The following NREP variants were observed in gnomAD, a reference collection of about 807,000 sequenced individuals.
NREP encodes neuronal regeneration-related protein.
In NREP, 5 loss-of-function variants were observed where a neutral mutation model predicts 8.6. The ratio of observed to expected loss-of-function variants is 0.58; its 90% confidence interval spans 0.30 to 1.22. The LOEUF (loss-of-function observed/expected upper bound fraction) is 1.22, where lower values mean the gene tolerates loss of function less well. Ranked by LOEUF, NREP falls within the 50% of genes most tolerant of loss-of-function variation. The pLI is 0.07. For missense variants in NREP, 86 were observed against 82.5 expected (o/e 1.04, Z -0.17); for synonymous variants, 27 against 28.0 (o/e 0.96, Z 0.11).
intron 2 of NREP, among the ~76,000 whole-genome samples, chr5:111,880,730 C>CTTTTTT (rs140190021): frequency 1.1e-5 from 1 of 92,176 alleles, no homozygotes; most frequent in Non-Finnish European, 2.1e-5. Flanking sequence ...GAACATAAGC[C>CTTTTTT]TTTTTTTTTT....
chr5:111,940,236 C>T (rs1755793930), intron 2 of NREP: 1 of 151,494 alleles, frequency 6.6e-6, no homozygotes, highest in African/African-American at 2.4e-5. Context: ...ATATACCTTA[C>T]CTGAAAAAAG....
chr5:111,747,610 C>T (rs781544084), intron 2 of NREP, among the ~76,000 whole-genome samples: 2 of 152,068 alleles, frequency 1.3e-5, no homozygotes, highest in Non-Finnish European at 1.5e-5. Context: ...GAGTCTTTGG[C>T]TTGGCATTTT....
At chr5:111,741,828 C>CACAGACACAG (rs143548812) in intron 2 of NREP, among the ~76,000 whole-genome samples, 45 of 146,540 alleles carry the variant, frequency 3.1e-4, no homozygotes, top group African/African-American at 1.1e-3. Context: ...CACACATACA[C>CACAGACACAG]ACACACACAC....
At position 111,860,234 on chromosome 5, in the gene NREP, A is replaced by G. The variant is rs1294679934; in HGVS notation, c.135+115040T>C. The stretch of plus-strand genomic sequence containing the variant: ...TCTTTTGAGTTCTCTGTCTCCACAA[A>G]TGATACCACTGTCTCCCTCAGACTA... On this transcript the variant is annotated intron_variant, in intron 2 of 3. Transcript: ENST00000395634. Among the ~76,000 whole-genome samples, 5 of 152,144 alleles carry G rather than the reference A, an allele frequency of 3.3e-5. No individual in the cohort carries two copies. The East Asian group carries it at 9.6e-4, about 29-fold the overall frequency.
At chr5:111,970,043 G>A (rs1756765440) in intron 2 of NREP, among the ~76,000 whole-genome samples, 1 of 152,122 alleles carries the variant, frequency 6.6e-6, no homozygotes, top group African/African-American at 2.4e-5. Flanking sequence ...TCCATTTTAT[G>A]CTTTGTAAAA....
intron 2 of NREP, among the ~76,000 whole-genome samples, chr5:111,808,225 G>C (rs1407509417): frequency 6.6e-6 from 1 of 152,118 alleles, no homozygotes; most frequent in Non-Finnish European, 1.5e-5. Context: ...AGGCCCTTCT[G>C]GTGTTCAGAA....
intron 2 of NREP, among the ~76,000 whole-genome samples, chr5:111,793,162 T>C (rs1581121769): frequency 1.3e-5 from 2 of 152,162 alleles, no homozygotes; most frequent in Admixed American, 6.5e-5. Context: ...ATTTTGACAA[T>C]TGTTAGGTTT....
chr5:111,948,457 A>T (rs1756051857), intron 2 of NREP, among the ~76,000 whole-genome samples: 1 of 152,152 alleles, frequency 6.6e-6, no homozygotes, highest in South Asian at 2.1e-4. Context: ...ACACTTTGGC[A>T]GTATTTGGTT....
intron 2 of NREP, among the ~76,000 whole-genome samples, chr5:111,935,727 T>C (rs980934738): frequency 2.0e-5 from 3 of 152,078 alleles, no homozygotes; most frequent in Admixed American, 6.6e-5. Flanking sequence ...CTTTCAGAAA[T>C]GTAAAATGCA....
At chr5:111,801,032 C>A (rs904217821) in intron 2 of NREP, among the ~76,000 whole-genome samples, 1 of 152,154 alleles carries the variant, frequency 6.6e-6, no homozygotes, top group African/African-American at 2.4e-5. Flanking sequence ...AGTTTTGGAG[C>A]AACTCCCTGA....
chr5:111,931,332 C>T (rs1755531278), intron 2 of NREP, among the ~76,000 whole-genome samples: 2 of 152,028 alleles, frequency 1.3e-5, no homozygotes, highest in Admixed American at 6.6e-5. Context: ...GTGTGGCTTC[C>T]TCTTTAGTCA....
intron 2 of NREP, among the ~76,000 whole-genome samples, chr5:111,941,296 T>C (rs1755822079): frequency 6.6e-6 from 1 of 152,110 alleles, no homozygotes; most frequent in African/African-American, 2.4e-5. Context: ...TCACACCTTT[T>C]TGTTTTAGTT....
intron 2 of NREP, among the ~76,000 whole-genome samples, chr5:111,799,732 G>A (rs1003258863): frequency 2.0e-5 from 3 of 152,158 alleles, no homozygotes; most frequent in African/African-American, 7.2e-5. Context: ...ACTTACTTAT[G>A]CGTACATAAT....
chr5:111,839,626 T>C (rs1219824626), intron 2 of NREP, among the ~76,000 whole-genome samples: 1 of 152,080 alleles, frequency 6.6e-6, no homozygotes, highest in East Asian at 1.9e-4. Flanking sequence ...GTTATTGCTA[T>C]GGGGATAGTC....
chr5:111,918,194 A>G (rs1364094043), intron 2 of NREP, among the ~76,000 whole-genome samples: 1 of 152,170 alleles, frequency 6.6e-6, no homozygotes, highest in Admixed American at 6.5e-5. Context: ...ACCACTGCTC[A>G]AGGAAATAAG....
At chr5:111,949,495 A>G (rs1197130025) in intron 2 of NREP, among the ~76,000 whole-genome samples, 2 of 151,870 alleles carry the variant, frequency 1.3e-5, no homozygotes, top group Non-Finnish European at 2.9e-5. Context: ...TTTTAAATAT[A>G]TTACTTTAAG....
At chr5:111,832,507 G>A (rs1327872859) in intron 2 of NREP, among the ~76,000 whole-genome samples, 1 of 152,048 alleles carries the variant, frequency 6.6e-6, no homozygotes, top group Non-Finnish European at 1.5e-5. Flanking sequence ...CTCCTGCCTG[G>A]GTGACAGAGT....
intron 2 of NREP, among the ~76,000 whole-genome samples, chr5:111,870,855 ACCCAGAG>A (rs1753772557): frequency 1.1e-5 from 1 of 89,346 alleles, no homozygotes; most frequent in Non-Finnish European, 2.8e-5. Context: ...CAAGAATTTT[ACCCAGAG>A]TTTTATAGGA....
At chr5:111,953,179 T>G (rs1402195863) in intron 2 of NREP, among the ~76,000 whole-genome samples, 3 of 152,138 alleles carry the variant, frequency 2.0e-5, no homozygotes, top group African/African-American at 7.2e-5. Flanking sequence ...TCAACCAATT[T>G]CCTTCAACCA....
Sources: allele counts gnomAD v4.1 joint callset (sites outside exome capture counted in the v4.1 genomes callset), GRCh38; gene constraint gnomAD v4.1.1; transcripts MANE v1.5; gene names NCBI Gene and HGNC (gene_info 2026-07-23, HGNC 2026-07-21).